Variants in MYO10 observed in about 807,000 individuals in gnomAD.
MYO10 encodes the protein unconventional myosin-X.
Under a neutral mutation model 257.3 loss-of-function variants are expected in MYO10, and 133 were observed. That is an observed-to-expected ratio of 0.52 (90% CI 0.45 to 0.60). The LOEUF (loss-of-function observed/expected upper bound fraction) is 0.60. Among genes scored for constraint, MYO10 ranks in the 20% least tolerant of loss-of-function variants. The pLI is 0.00. For missense variants in MYO10, 2,399 were observed against 2,635.7 expected (o/e 0.91, Z 1.97); for synonymous variants, 1,104 against 1,028.6 (o/e 1.07, Z -1.40).
At chr5:16,822,291 A>G (rs1742844404) in intron 2 of MYO10, among the ~76,000 whole-genome samples, 1 of 152,228 alleles carries the variant, frequency 6.6e-6, no homozygotes, top group Non-Finnish European at 1.5e-5. Context: ...CAAGCAAATA[A>G]TTCCTATGAG....
intron 19 of MYO10, among the ~76,000 whole-genome samples, chr5:16,733,348 T>C (rs1241395304): frequency 1.3e-5 from 2 of 152,308 alleles, no homozygotes; most frequent in East Asian, 3.9e-4. Flanking sequence ...GTCAGCCCTT[T>C]TCATTTCATT....
At chr5:16,935,192 A>C (rs1276690292) in intron 1 of MYO10, among the ~76,000 whole-genome samples, 1 of 152,144 alleles carries the variant, frequency 6.6e-6, no homozygotes, top group Non-Finnish European at 1.5e-5. Flanking sequence ...ATCTGCATGG[A>C]CACTCTACAC....
intron 40 of MYO10, 144 bp downstream of exon 40, chr5:16,668,133 A>G: frequency 1.2e-6 from 1 of 812,610 alleles, no homozygotes; most frequent in Admixed American, 3.1e-5. Flanking sequence ...CGGCAGCTGG[A>G]AAGGGACCAC....
intron 9 of MYO10, among the ~76,000 whole-genome samples, chr5:16,775,615 T>TTGTC (rs1319690539): frequency 2.0e-5 from 3 of 151,988 alleles, no homozygotes; most frequent in African/African-American, 7.2e-5. Flanking sequence ...GTTTGTTTGT[T>TTGTC]TTCTCGAGAC....
At chr5:16,686,373 C>T (rs917430218) in intron 28 of MYO10, among the ~76,000 whole-genome samples, 13 of 152,142 alleles carry the variant, frequency 8.5e-5, no homozygotes, top group African/African-American at 3.1e-4. Context: ...AAAGGAAATG[C>T]TCACTGGAAC....
intron 2 of MYO10, among the ~76,000 whole-genome samples, chr5:16,850,726 T>C (rs1743774985): frequency 6.7e-6 from 1 of 148,250 alleles, no homozygotes; most frequent in South Asian, 2.1e-4. Flanking sequence ...TGCCTTAATG[T>C]GATCGCTCTA....
In MYO10 at chr5:16,827,130, C is replaced by G. The variant is rs142322576; in HGVS notation, c.121-8963G>C. On this transcript the variant is annotated intron_variant, in intron 2 of 40. Coordinates refer to ENST00000513610, the MANE Select transcript of MYO10 (RefSeq NM_012334.3). ...ATTTGGGGGCAAGAAAACGTCAAGT[C>G]CCCTAGAGAATTTCATTGGAATCTA... Among the ~76,000 whole-genome samples the G allele has an allele frequency of 2.0e-5, 3 of 152,262 alleles. No individual in the cohort carries two copies. The East Asian group carries it at 5.8e-4, about 29-fold the overall frequency.
rs1051201772 is a variant in MYO10, at chr5:16,662,682, C to G, written c.*4010G>C. On this transcript the variant is annotated 3_prime_UTR_variant, in exon 41 of 41. Transcript: ENST00000513610. ...GGTTTGGCTCTGTCCCCACCCAAAT[C>G]TCATCTTGAATTATAGCTCCCATAA... 1 of 152,120 alleles carries G rather than the reference C, an allele frequency of 6.6e-6. No individual in the cohort carries two copies. Among genetic ancestry groups the G allele is most frequent in the African/African-American group, 2.4e-5 (1 of 41,418 alleles). The allele number at this position is 152,120 out of a possible 1,614,324, so 9.4% of individuals were successfully genotyped here.
At chr5:16,914,480 G>A (rs1745761405) in intron 1 of MYO10, among the ~76,000 whole-genome samples, 1 of 152,200 alleles carries the variant, frequency 6.6e-6, no homozygotes, top group Admixed American at 6.5e-5. Context: ...AGTGATATCT[G>A]ACAGAACCTA....
chr5:16,790,674 G>A (rs755773678), intron 4 of MYO10, among the ~76,000 whole-genome samples: 10 of 152,108 alleles, frequency 6.6e-5, no homozygotes, highest in Admixed American at 1.3e-4. Flanking sequence ...CCCCAGCCAC[G>A]TGGACCTGTA....
Position 16,694,726 on chromosome 5 carries a change from G to A in MYO10, c.3557-112C>T. 5 of 1,390,604 alleles carry A rather than the reference G, an allele frequency of 3.6e-6. No individual in the cohort carries two copies. In the South Asian group the frequency reaches 5.1e-5, roughly 14 times the overall value. The allele number at this position is 1,390,604 out of a possible 1,614,324, so 86.1% of individuals were successfully genotyped here. On this transcript the variant is annotated intron_variant, in intron 26 of 40. Coordinates refer to ENST00000513610, the MANE Select transcript of MYO10 (RefSeq NM_012334.3). ...CTAGCCGAGCTTAGACTCTGCCCCA[G>A]CCGCAGCACCGCAGAGACCCCTCAG...
At chr5:16,874,940 G>A (rs986617695) in intron 2 of MYO10, among the ~76,000 whole-genome samples, 4 of 152,182 alleles carry the variant, frequency 2.6e-5, no homozygotes, top group Non-Finnish European at 5.9e-5. Flanking sequence ...ATCATGGCGG[G>A]AGGCAAAAGG....
intron 3 of MYO10, among the ~76,000 whole-genome samples, chr5:16,800,672 C>T (rs1004672488): frequency 3.9e-5 from 6 of 152,240 alleles, no homozygotes; most frequent in South Asian, 2.1e-4. Flanking sequence ...CCTAAGCTTC[C>T]GCTGTTCTCC....
intron 4 of MYO10, among the ~76,000 whole-genome samples, chr5:16,788,030 G>A (rs1329995318): frequency 6.6e-6 from 1 of 152,122 alleles, no homozygotes; most frequent in African/African-American, 2.4e-5. Flanking sequence ...CTGACCTCAG[G>A]TGATCTACCC....
intron 1 of MYO10, among the ~76,000 whole-genome samples, chr5:16,914,628 A>G (rs1010514847): frequency 1.1e-4 from 16 of 152,236 alleles, no homozygotes; most frequent in Non-Finnish European, 2.1e-4. Context: ...AGTCCTAGAC[A>G]AAACATGCCT....
At position 16,732,374 on chromosome 5, in the gene MYO10, C is replaced by G. The variant is rs781070147; in HGVS notation, c.1930-21129G>C. ...GAAATCCTCACAGGGTAGCCTCCCCCTTGGGTATAATCTGTTGCCCTTTTA... is the reference window on the plus strand; with the variant it reads ...GAAATCCTCACAGGGTAGCCTCCCCGTTGGGTATAATCTGTTGCCCTTTTA... On this transcript the variant is annotated intron_variant, in intron 19 of 40. Transcript: ENST00000513610. Among the ~76,000 whole-genome samples the G allele has an allele frequency of 5.2e-4, 79 of 152,244 alleles. No individual in the cohort carries two copies. In the Middle Eastern group the frequency reaches 0.014, roughly 26 times the overall value.
chr5:16,692,023 T>C (rs1162641343), intron 27 of MYO10, among the ~76,000 whole-genome samples: 1 of 152,138 alleles, frequency 6.6e-6, no homozygotes, highest in Non-Finnish European at 1.5e-5. Flanking sequence ...ACTTGAGTGA[T>C]CTAAAAACCA....
At chr5:16,687,173 T>A (rs1462778512) in intron 28 of MYO10, among the ~76,000 whole-genome samples, 2 of 151,622 alleles carry the variant, frequency 1.3e-5, no homozygotes, top group African/African-American at 4.8e-5. Context: ...AATAAAAAAT[T>A]AGCTGGGTGT....
intron 3 of MYO10, among the ~76,000 whole-genome samples, chr5:16,817,266 TAAAC>T (rs1742652131): frequency 6.6e-6 from 1 of 152,178 alleles, no homozygotes; most frequent in African/African-American, 2.4e-5. Flanking sequence ...ACAAGAGAAA[TAAAC>T]ATACATAACC....
Sources: allele counts gnomAD v4.1 joint callset (sites outside exome capture counted in the v4.1 genomes callset), GRCh38; gene constraint gnomAD v4.1.1; transcripts MANE v1.5; gene names NCBI Gene and HGNC (gene_info 2026-07-23, HGNC 2026-07-21).